CAST: variants seen among roughly 807,000 people sequenced by gnomAD.
The protein encoded by CAST is calpastatin.
In CAST, 76 loss-of-function variants were observed where a neutral mutation model predicts 119.6. The observed-to-expected ratio is 0.64, with a 90% CI of 0.53 to 0.77. The LOEUF is 0.77. CAST is among the 30% of genes least tolerant of loss of function. The pLI, the probability that CAST is intolerant of heterozygous loss-of-function variation, is 0.00. For synonymous variants in CAST, 319 were observed against 331.6 expected (o/e 0.96, Z 0.41); for missense variants, 953 against 946.5 (o/e 1.01, Z -0.09).
intron 1 of CAST, among the ~76,000 whole-genome samples, chr5:96,530,288 C>A (rs1745668702): frequency 1.3e-5 from 2 of 151,770 alleles, no homozygotes; most frequent in East Asian, 1.9e-4. Context: ...AGAAGCCATG[C>A]AAATAGAGAA....
chr5:96,429,027 C>T, the CAST span, among the ~76,000 whole-genome samples: 1 of 151,900 alleles, frequency 6.6e-6, no homozygotes, highest in African/African-American at 2.4e-5. Context: ...ACCAATTCAA[C>T]CCAATCTTGT....
chr5:96,365,976 T>C, the CAST span, among the ~76,000 whole-genome samples: 2 of 152,226 alleles, frequency 1.3e-5, no homozygotes, highest in African/African-American at 4.8e-5. Flanking sequence ...CAGTTGTTCC[T>C]TTCCATGTTT....
chr5:96,472,641 C>T, the CAST span, among the ~76,000 whole-genome samples: 727 of 152,304 alleles, frequency 4.8e-3, 7 homozygotes, highest in African/African-American at 0.017. Context: ...CAATTGTTTC[C>T]TCACAAAGCA....
At chr5:96,452,978 A>T in the CAST span, among the ~76,000 whole-genome samples, 1 of 146,366 alleles carries the variant, frequency 6.8e-6, no homozygotes, top group African/African-American at 2.6e-5. Context: ...AAAAAAAAAC[A>T]GAAGAAAGAA....
At position 96,742,733 on chromosome 5, in the gene CAST, C is replaced by A. The variant is rs377565522; in HGVS notation, c.1177C>A (p.Arg393Ser). The change falls in exon 16 of 32, where the codon CGC becomes AGC. Residue 393 changes from arginine (R) to serine (S), a missense_variant. Coordinates refer to ENST00000675179, the MANE Select transcript of CAST (RefSeq NM_001750.7). ...GCAAGCAGAACCTGAGCTCGACCTCCGCTCAATTAAGGAAGTCGATGAGGT... is the reference window on the plus strand; with the variant it reads ...GCAAGCAGAACCTGAGCTCGACCTCAGCTCAATTAAGGAAGTCGATGAGGT... ...TRQAEPELDLRSIKEVDEAKA... is the reference protein window; with the variant it reads ...TRQAEPELDLSSIKEVDEAKA... The A allele has an allele frequency of 3.8e-5, 62 of 1,613,434 alleles. No homozygotes were observed. The highest frequency in any genetic ancestry group is 1.8e-5 in the Non-Finnish European group (21 of 1,179,552).
the CAST span, among the ~76,000 whole-genome samples, chr5:96,364,223 G>A: frequency 6.6e-6 from 1 of 152,182 alleles, no homozygotes; most frequent in Non-Finnish European, 1.5e-5. Flanking sequence ...TGTGCTGCTG[G>A]ATTTGGTTTG....
At chr5:96,247,417 T>G in the CAST span, among the ~76,000 whole-genome samples, 1 of 152,260 alleles carries the variant, frequency 6.6e-6, no homozygotes, top group Admixed American at 6.5e-5. Flanking sequence ...TTCACAGGAC[T>G]CTAAGTGGTT....
the CAST span, among the ~76,000 whole-genome samples, chr5:96,426,469 A>T: frequency 2.6e-5 from 4 of 152,218 alleles, no homozygotes; most frequent in African/African-American, 7.2e-5. Flanking sequence ...ACCTCTGCTT[A>T]AAAGTATTTA....
intron 1 of CAST, among the ~76,000 whole-genome samples, chr5:96,563,620 G>A (rs1746420676): frequency 2.0e-5 from 3 of 151,510 alleles, no homozygotes; most frequent in African/African-American, 7.3e-5. Context: ...GATACTTTTT[G>A]AATTTTATAC....
chr5:96,767,498 A>G lies in CAST; in HGVS notation c.2175+16A>G. ...GGATTCAAAGGTAAAGACCATAGGA[A>G]CATATTTCCATTAAATTTTGTTTTA... On this transcript the variant is annotated intron_variant, in intron 28 of 31. Coordinates refer to ENST00000675179, the MANE Select transcript of CAST (RefSeq NM_001750.7). 1 of 1,606,824 alleles carries G rather than the reference A, an allele frequency of 6.2e-7. No individual in the cohort carries two copies. Among genetic ancestry groups the G allele is most frequent in the Non-Finnish European group, 8.5e-7 (1 of 1,174,182 alleles).
At chr5:96,146,347 G>A in the CAST span, among the ~76,000 whole-genome samples, 1 of 152,224 alleles carries the variant, frequency 6.6e-6, no homozygotes, top group African/African-American at 2.4e-5. Context: ...GTGGACTCAA[G>A]GAAAGGTTGC....
At chr5:96,548,560 G>A (rs1317799158) in intron 1 of CAST, among the ~76,000 whole-genome samples, 1 of 152,004 alleles carries the variant, frequency 6.6e-6, no homozygotes, top group Non-Finnish European at 1.5e-5. Context: ...GCTGTTAAGT[G>A]CTGCTGCGGG....
the CAST span, among the ~76,000 whole-genome samples, chr5:96,055,755 C>T: frequency 2.0e-5 from 3 of 151,966 alleles, no homozygotes; most frequent in East Asian, 5.8e-4. Context: ...CTTTTTTGGA[C>T]ACAGGAAATA....
At chr5:96,058,545 C>G in the CAST span, among the ~76,000 whole-genome samples, 1 of 133,694 alleles carries the variant, frequency 7.5e-6, no homozygotes, top group Non-Finnish European at 1.8e-5. Flanking sequence ...CAGAAGGGCT[C>G]TAAGAAAGCT....
chr5:96,611,560 T>C lies in CAST; in HGVS notation c.61-63979T>C, dbSNP rs1747362517. On this transcript the variant is annotated intron_variant, in intron 1 of 11. Coordinates refer to the CAST transcript ENST00000505143. ...TGGATATGGGCCTAGGGAAAGAATT[T>C]ATGCTTTTAAGACCTCAAAAGCAAA... Among the ~76,000 whole-genome samples, 4 of 128,764 alleles carry C rather than the reference T, an allele frequency of 3.1e-5. No individual in the cohort carries two copies. In the Admixed American group the frequency reaches 3.4e-4, roughly 11 times the overall value. 84.5% of individuals were successfully genotyped at this position (128,764 alleles called of 152,430 possible).
At chr5:96,616,755 C>T (rs13157834) in intron 1 of CAST, among the ~76,000 whole-genome samples, 3,091 of 35,532 alleles carry the variant, frequency 0.087, 38 homozygotes, top group African/African-American at 0.15. Context: ...TATATATATA[C>T]ACACACACAC....
At chr5:96,486,705 T>TC in the CAST span, among the ~76,000 whole-genome samples, 2 of 151,580 alleles carry the variant, frequency 1.3e-5, no homozygotes, top group Non-Finnish European at 2.9e-5. Context: ...TCTTTTGTGT[T>TC]GGGGGGGCAG....
rs1223785660 is a variant in CAST at position 96,773,394 on chromosome 5, CTAAT to C, written c.*784_*787del. 3 of 152,808 alleles carry C rather than the reference CTAAT, an allele frequency of 2.0e-5. No homozygotes were observed. Among genetic ancestry groups the C allele is most frequent in the East Asian group, 1.9e-4 (1 of 5,314 alleles). The allele number at this position is 152,808 out of a possible 1,614,324, so 9.5% of individuals were successfully genotyped here. A position where few individuals can be genotyped will look rare whatever the true frequency, so the allele number is the denominator to read the frequency against. ...AAATTTCGAGCATAAGAAATAAAAT[CTAAT>C]TAATTCTTAGGGTACTCATCTGACT... On this transcript the variant is annotated 3_prime_UTR_variant, in exon 32 of 32. Transcript: ENST00000675179.
chr5:96,349,139 ATTTTT>A, the CAST span, among the ~76,000 whole-genome samples: 2 of 89,630 alleles, frequency 2.2e-5, no homozygotes, highest in African/African-American at 4.6e-5. Context: ...CAAGGACACT[ATTTTT>A]TTTTTTTTTT....
Sources: allele counts gnomAD v4.1 joint callset (sites outside exome capture counted in the v4.1 genomes callset), GRCh38; gene constraint gnomAD v4.1.1; transcripts MANE v1.5; gene names NCBI Gene and HGNC (gene_info 2026-07-23, HGNC 2026-07-21).